Variants in TK1 observed in about 807,000 individuals in gnomAD.
TK1 encodes the protein thymidine kinase 1.
TK1 carries 13 observed loss-of-function variants against 22.4 expected under a neutral mutation model. That is an observed-to-expected ratio of 0.58 (90% CI 0.38 to 0.92). TK1 has a LOEUF of 0.92. TK1 is among the 40% of genes least tolerant of loss of function. The probability of loss-of-function intolerance (pLI) is 0.00; values close to 1 mark genes in which losing one functional copy is unlikely to be tolerated. For missense variants in TK1, 251 were observed against 315.7 expected (o/e 0.80, Z 1.55); for synonymous variants, 134 against 125.4 (o/e 1.07, Z -0.46).
At chr17:78,178,191 T>G (rs955469002) in intron 4 of TK1, among the ~76,000 whole-genome samples, 2 of 151,968 alleles carry the variant, frequency 1.3e-5, no homozygotes, top group Non-Finnish European at 2.9e-5. Flanking sequence ...TTTAAAAAAA[T>G]AAATCAGAGC....
At chr17:78,184,033 C>T (rs530076680) in intron 3 of TK1, among the ~76,000 whole-genome samples, 1 of 152,238 alleles carries the variant, frequency 6.6e-6, no homozygotes, top group South Asian at 2.1e-4. Flanking sequence ...ACAGCTGGAA[C>T]GAAGTGACCT....
chr17:78,175,529 C>A lies in TK1; in HGVS notation c.393G>T (p.Lys131Asn). Reference sequence around the variant, plus strand: ...TCCAGACCTGGATCAGACGCCTTACCTTCCTCTGGAAGGTCCCATCCAGTG... The same window carrying A: ...TCCAGACCTGGATCAGACGCCTTACATTCCTCTGGAAGGTCCCATCCAGTG... ...VAALDGTFQR[K>N]PFGAILNLVP... Residue 131 changes from lysine (K) to asparagine (N), a missense_variant and splice_region_variant, in exon 5 of 7, where the codon AAG becomes AAT. Coordinates refer to ENST00000301634, the MANE Select transcript of TK1 (RefSeq NM_003258.5). 1 of 1,612,918 alleles carries A rather than the reference C, an allele frequency of 6.2e-7. No homozygotes were observed.
At chr17:78,175,298 C>G (rs771259265) in intron 5 of TK1, 129 bp from the exon 6 acceptor site, 43 of 1,341,380 alleles carry the variant, frequency 3.2e-5, no homozygotes, top group Non-Finnish European at 4.0e-5. Context: ...CCCCAACCCC[C>G]AGAGCACCAT....
chr17:78,176,768 C>T (rs755520559), intron 4 of TK1, among the ~76,000 whole-genome samples: 14 of 152,320 alleles, frequency 9.2e-5, no homozygotes, highest in African/African-American at 2.4e-4. Flanking sequence ...CATTTGAGGC[C>T]GGATCTCGCT....
chr17:78,180,118 G>T (rs2145825633), intron 4 of TK1, among the ~76,000 whole-genome samples: 1 of 152,316 alleles, frequency 6.6e-6, no homozygotes, highest in East Asian at 1.9e-4. Flanking sequence ...ACGTATAGGT[G>T]GCCCTGTGCC....
rs182542609 is a variant in TK1, at chr17:78,183,565, C to A, written c.210-883G>T. Reference sequence around the variant, plus strand: ...AATTAACTGGGTGTGGTGGTGTGCGCCTGTAGTCCCACCTGCTCAGGGGGC... The same window carrying A: ...AATTAACTGGGTGTGGTGGTGTGCGACTGTAGTCCCACCTGCTCAGGGGGC... On this transcript the variant is annotated intron_variant, in intron 3 of 6. Transcript: ENST00000301634. 3.9e-4 allele frequency among the ~76,000 whole-genome samples: 59 copies of A among 152,130 alleles called. No homozygotes were observed. In the Middle Eastern group the frequency reaches 0.01, roughly 26 times the overall value.
At chr17:78,179,598 G>T in intron 4 of TK1, 2 of 985,466 alleles carry the variant, frequency 2.0e-6, no homozygotes, top group Non-Finnish European at 2.4e-6. Flanking sequence ...CATACAGAAT[G>T]TTGGGCAAGA....
intron 2 of TK1, 36 bp from the exon 3 acceptor site, chr17:78,185,201 C>T (rs775007859): frequency 2.0e-5 from 32 of 1,564,436 alleles, no homozygotes; most frequent in Admixed American, 6.7e-5. Flanking sequence ...AGGTCCACGG[C>T]GGGAGGAGTG....
At chr17:78,179,169 G>C in intron 4 of TK1, 1 of 985,408 alleles carries the variant, frequency 1.0e-6, no homozygotes, top group South Asian at 4.7e-5. Flanking sequence ...ACAACTCACA[G>C]CGGCAGGTCT....
Position 78,176,693 on chromosome 17 carries a change from T to C in TK1, c.304-1075A>G, listed in dbSNP as rs963492393. ...ATGCAGCTCCCAGCCTGCAAGGAGC[T>C]GTGGGCCGGCACACCACCTGCGCCA... On this transcript the variant is annotated intron_variant, in intron 4 of 6. Coordinates refer to ENST00000301634, the MANE Select transcript of TK1 (RefSeq NM_003258.5). Among the ~76,000 whole-genome samples, 4 of 152,118 alleles carry C rather than the reference T, an allele frequency of 2.6e-5. 1 individual carries two copies. In the South Asian group the frequency reaches 8.3e-4, roughly 32 times the overall value.
intron 4 of TK1, among the ~76,000 whole-genome samples, chr17:78,177,272 G>A (rs1012498847): frequency 6.6e-6 from 1 of 152,146 alleles, no homozygotes; most frequent in East Asian, 1.9e-4. Context: ...CTTTTTGAGC[G>A]CCCACCACAA....
rs1208345629 is a variant in TK1 at position 78,175,132 on chromosome 17, T to C, written c.431A>G (p.Glu144Gly). 1 of 1,612,994 alleles carries C rather than the reference T, an allele frequency of 6.2e-7. No individual in the cohort carries two copies. Among genetic ancestry groups the C allele is most frequent in the African/African-American group, 1.3e-5 (1 of 74,694 alleles). Residue 144 changes from glutamate to glycine, a missense_variant, in exon 6 of 7, where the codon GAG becomes GGG. Coordinates refer to ENST00000301634, the MANE Select transcript of TK1 (RefSeq NM_003258.5). ...CACCGCCGTCAGCTTCACCACGCTC[T>C]CGGCCAGCGGCACCAGGTTCAGGAT... ...GAILNLVPLA[E>G]SVVKLTAVCM...
Position 78,185,124 on chromosome 17 carries a change from T to G in TK1, c.140A>C (p.Gln47Pro). ...ATACTTGATCACCAGGCACTTGTAC[T>G]GAGCAATCTGGAAGCGACGGACGCG... is the stretch of plus-strand genomic sequence containing the variant. ...MRRVRRFQIAQYKCLVIKYAK... is the reference protein window; with the variant it reads ...MRRVRRFQIAPYKCLVIKYAK... The change falls in exon 3 of 7, where the codon CAG (glutamine) becomes CCG (proline). Residue 47 changes from glutamine to proline, a missense_variant. Gln to Pro is a moderately conservative substitution (Grantham distance 76, BLOSUM62 -1). Transcript: ENST00000301634. The G allele has an allele frequency of 1.2e-6, 2 of 1,611,588 alleles. No individual in the cohort carries two copies. The highest frequency in any genetic ancestry group is 2.2e-5 in the South Asian group (2 of 90,920).
intron 2 of TK1, among the ~76,000 whole-genome samples, chr17:78,185,415 C>G (rs1299482439): frequency 2.0e-5 from 3 of 152,104 alleles, no homozygotes; most frequent in African/African-American, 7.2e-5. Context: ...GGAGGAGTAA[C>G]CTTCTCCAAG....
chr17:78,175,755 T>C, intron 4 of TK1, 137 bp from the exon 5 acceptor site: 1 of 707,162 alleles, frequency 1.4e-6, no homozygotes. Context: ...CCCACGAGGC[T>C]CCCCAGGCCG....
intron 4 of TK1, among the ~76,000 whole-genome samples, chr17:78,180,156 G>C (rs2075728359): frequency 6.6e-6 from 1 of 152,236 alleles, no homozygotes; most frequent in South Asian, 2.1e-4. Flanking sequence ...AAGATCAGCA[G>C]AAGTGACGTT....
intron 4 of TK1, chr17:78,179,242 G>A (rs2075722107): frequency 2.0e-6 from 2 of 985,290 alleles, no homozygotes; most frequent in South Asian, 9.4e-5. Flanking sequence ...TGTCCCCAAA[G>A]CTGATGCAAA....
chr17:78,185,344 G>A (rs1156592118), intron 2 of TK1, among the ~76,000 whole-genome samples, 179 bp from the exon 3 acceptor site: 1 of 152,032 alleles, frequency 6.6e-6, no homozygotes, highest in Non-Finnish European at 1.5e-5. Context: ...AGGGTTGGAA[G>A]TCAGAATTCT....
intron 5 of TK1, 143 bp from the exon 6 acceptor site, chr17:78,175,312 C>A (rs1431484604): frequency 5.4e-6 from 7 of 1,285,830 alleles, no homozygotes; most frequent in Non-Finnish European, 7.3e-6. Flanking sequence ...GCACCATGCC[C>A]GGCTCTGTCC....
Sources: gnomAD v4.1 joint callset for allele counts (sites outside exome capture counted in the v4.1 genomes callset) on GRCh38, gnomAD v4.1.1 for gene constraint, MANE v1.5 for transcripts, NCBI Gene and HGNC (gene_info 2026-07-23, HGNC 2026-07-21) for gene names.